LRBA: variants seen among roughly 807,000 people sequenced by gnomAD.
LRBA encodes the protein lipopolysaccharide-responsive and beige-like anchor protein.
LRBA carries 176 observed loss-of-function variants against 330.0 expected under a neutral mutation model. The observed-to-expected ratio is 0.53, with a 90% CI of 0.47 to 0.60. The LOEUF (loss-of-function observed/expected upper bound fraction) is 0.60. LRBA is among the 20% of genes least tolerant of loss of function. The probability of loss-of-function intolerance (pLI) is 0.00; values close to 1 mark genes in which losing one functional copy is unlikely to be tolerated. For synonymous variants in LRBA, 1,230 were observed against 1,193.0 expected (o/e 1.03, Z -0.64); for missense variants, 3,259 against 3,444.8 (o/e 0.95, Z 1.35).
chr4:150,478,725 A>G (rs1756982356), intron 42 of LRBA, among the ~76,000 whole-genome samples: 1 of 152,210 alleles, frequency 6.6e-6, no homozygotes, highest in South Asian at 2.1e-4. Context: ...GCCTTCGTTC[A>G]AAGAATAGCT....
intron 40 of LRBA, among the ~76,000 whole-genome samples, chr4:150,568,639 T>C (rs545254371): frequency 4.6e-5 from 7 of 152,274 alleles, no homozygotes; most frequent in African/African-American, 1.7e-4. Context: ...CTTCATTTTC[T>C]TTTAAGTAGG....
chr4:150,447,503 C>T (rs1191253160), intron 44 of LRBA, among the ~76,000 whole-genome samples: 1 of 152,174 alleles, frequency 6.6e-6, no homozygotes, highest in Admixed American at 6.5e-5. Context: ...ATCAGCTCCC[C>T]TGGTTCTCAG....
intron 2 of LRBA, among the ~76,000 whole-genome samples, chr4:150,939,194 T>C (rs1230645950): frequency 1.3e-5 from 2 of 152,184 alleles, no homozygotes; most frequent in African/African-American, 4.8e-5. Flanking sequence ...CAAGAGGACA[T>C]ATGTTCAATT....
At chr4:150,969,274 C>T (rs1739255600) in intron 2 of LRBA, among the ~76,000 whole-genome samples, 1 of 152,206 alleles carries the variant, frequency 6.6e-6, no homozygotes, top group Non-Finnish European at 1.5e-5. Context: ...AAGGCTATCA[C>T]TGCCATAGAT....
intron 46 of LRBA, among the ~76,000 whole-genome samples, chr4:150,420,101 G>A: frequency 6.6e-6 from 1 of 150,532 alleles, no homozygotes. Flanking sequence ...AGCCAGGTAT[G>A]GTGGCATGCA....
chr4:150,412,756 GAA>G (rs892882352), intron 47 of LRBA, among the ~76,000 whole-genome samples: 16 of 151,522 alleles, frequency 1.1e-4, no homozygotes, highest in African/African-American at 3.6e-4. Context: ...TCATATTTGA[GAA>G]AAAGTGTGTC....
intron 47 of LRBA, among the ~76,000 whole-genome samples, chr4:150,384,667 A>G (rs1363233678): frequency 6.6e-6 from 1 of 152,202 alleles, no homozygotes; most frequent in African/African-American, 2.4e-5. Flanking sequence ...GTGGAGGTAG[A>G]GTAAAACAAT....
chr4:150,663,798 G>A (rs185911558), intron 37 of LRBA, among the ~76,000 whole-genome samples: 45 of 152,112 alleles, frequency 3.0e-4, no homozygotes, highest in East Asian at 1.4e-3. Context: ...TTTATCAAAC[G>A]CTATGAGAAC....
chr4:150,555,397 A>G (rs1767162771), intron 40 of LRBA, among the ~76,000 whole-genome samples: 1 of 152,182 alleles, frequency 6.6e-6, no homozygotes, highest in African/African-American at 2.4e-5. Flanking sequence ...GCTAATCTAT[A>G]TTCATAAACG....
At chr4:150,375,855 G>A (rs1432396988) in intron 47 of LRBA, among the ~76,000 whole-genome samples, 1 of 151,824 alleles carries the variant, frequency 6.6e-6, no homozygotes, top group African/African-American at 2.4e-5. Context: ...TATTTCCCAG[G>A]GCTCTGTTTT....
chr4:150,289,838 T>G (rs1484284252), intron 53 of LRBA, among the ~76,000 whole-genome samples: 1 of 152,214 alleles, frequency 6.6e-6, no homozygotes, highest in Non-Finnish European at 1.5e-5. Flanking sequence ...AGCAGATATA[T>G]GATATGGGAT....
At chr4:150,923,184 C>CAAAAA (rs372277904) in intron 4 of LRBA, among the ~76,000 whole-genome samples, 1 of 137,322 alleles carries the variant, frequency 7.3e-6, no homozygotes, top group Non-Finnish European at 1.5e-5. Flanking sequence ...ATCGTAAAGT[C>CAAAAA]AAAAAAAAAA....
intron 2 of LRBA, among the ~76,000 whole-genome samples, chr4:151,011,868 G>C (rs1191050876): frequency 5.3e-5 from 8 of 150,860 alleles, no homozygotes; most frequent in Non-Finnish European, 1.5e-5. Context: ...TTTTTTTGTA[G>C]AGACAGGGTC....
At chr4:150,821,079 A>G (rs1240179828) in intron 30 of LRBA, among the ~76,000 whole-genome samples, 1 of 152,138 alleles carries the variant, frequency 6.6e-6, no homozygotes, top group Non-Finnish European at 1.5e-5. Flanking sequence ...CTACAGCTTA[A>G]GTTTCTATTT....
intron 28 of LRBA, 141 bp downstream of exon 28, chr4:150,843,959 T>C (rs1458195583): frequency 1.9e-6 from 1 of 536,116 alleles, no homozygotes; most frequent in East Asian, 2.8e-5. Context: ...CTAAAATCAT[T>C]GTCAAAAGAA....
chr4:150,416,443 G>GA (rs1293906015), intron 46 of LRBA, among the ~76,000 whole-genome samples: 11 of 151,746 alleles, frequency 7.2e-5, no homozygotes, highest in Non-Finnish European at 8.8e-5. Context: ...CCAGAGCAGA[G>GA]AAAAAAAATC....
At chr4:150,810,235 T>C (rs1743523256) in intron 31 of LRBA, among the ~76,000 whole-genome samples, 1 of 152,180 alleles carries the variant, frequency 6.6e-6, no homozygotes, top group Non-Finnish European at 1.5e-5. Context: ...CTAGACAATT[T>C]GGCCCCCCAA....
At chr4:150,503,108 G>T (rs2152120058) in intron 40 of LRBA, among the ~76,000 whole-genome samples, 1 of 152,358 alleles carries the variant, frequency 6.6e-6, no homozygotes, top group Middle Eastern at 3.4e-3. Flanking sequence ...CCTGCCTCTG[G>T]AGGCTCCACC....
chr4:150,362,917 C>T (rs891912148), intron 47 of LRBA, among the ~76,000 whole-genome samples: 3 of 151,996 alleles, frequency 2.0e-5, no homozygotes, highest in Admixed American at 1.3e-4. Context: ...GCCTGGCAGC[C>T]TGGCAGCCTG....
Sources: allele counts gnomAD v4.1 joint callset (sites outside exome capture counted in the v4.1 genomes callset), GRCh38; gene constraint gnomAD v4.1.1; transcripts MANE v1.5; gene names NCBI Gene and HGNC (gene_info 2026-07-23, HGNC 2026-07-21).